Variants in PLCB1 observed in about 807,000 individuals in gnomAD.
PLCB1 encodes phospholipase C beta 1.
PLCB1 carries 46 observed loss-of-function variants against 161.8 expected under a neutral mutation model. The ratio of observed to expected loss-of-function variants is 0.28; its 90% CI spans 0.22 to 0.36. The LOEUF is 0.36. Among genes scored for constraint, PLCB1 ranks in the 10% least tolerant of loss-of-function variants. The pLI is 1.00. For missense variants in PLCB1, 1,016 were observed against 1,472.5 expected, an observed-to-expected ratio of 0.69 and a Z score of 5.07; for synonymous variants, 517 against 503.7, an observed-to-expected ratio of 1.03 and a Z score of -0.35.
At chr20:8,696,382 C>T (rs1174743640) in intron 10 of PLCB1, among the ~76,000 whole-genome samples, 6 of 152,112 alleles carry the variant, frequency 3.9e-5, no homozygotes, top group Non-Finnish European at 8.8e-5. Context: ...ATGCCAGTAC[C>T]ACATGGTCTT....
chr20:8,667,987 G>A (rs953787693), intron 9 of PLCB1, among the ~76,000 whole-genome samples: 1 of 152,060 alleles, frequency 6.6e-6, no homozygotes, highest in African/African-American at 2.4e-5. Flanking sequence ...GGGGTGGAGG[G>A]GACTCTGGCT....
At chr20:8,383,081 A>G (rs1987311644) in intron 3 of PLCB1, among the ~76,000 whole-genome samples, 1 of 152,174 alleles carries the variant, frequency 6.6e-6, no homozygotes, top group Non-Finnish European at 1.5e-5. Context: ...CAAGTCCTGA[A>G]TATACTTGTA....
intron 2 of PLCB1, among the ~76,000 whole-genome samples, chr20:8,276,755 A>G (rs1301846309): frequency 6.6e-6 from 1 of 152,054 alleles, no homozygotes; most frequent in Non-Finnish European, 1.5e-5. Flanking sequence ...GCCCATCTTC[A>G]GAAATTGGCC....
At chr20:8,800,184 A>C (rs1984217517) in intron 31 of PLCB1, among the ~76,000 whole-genome samples, 1 of 152,232 alleles carries the variant, frequency 6.6e-6, no homozygotes, top group South Asian at 2.1e-4. Flanking sequence ...ACACTGAAGA[A>C]ATTTTTCCTT....
chr20:8,161,719 G>T (rs887646423), intron 2 of PLCB1, among the ~76,000 whole-genome samples: 2 of 152,086 alleles, frequency 1.3e-5, no homozygotes, highest in East Asian at 1.9e-4. Context: ...GGACGCTGCT[G>T]CCTGGGCTTC....
chr20:8,374,979 C>T (rs1357140746), intron 3 of PLCB1, among the ~76,000 whole-genome samples: 2 of 152,104 alleles, frequency 1.3e-5, no homozygotes, highest in Non-Finnish European at 2.9e-5. Flanking sequence ...TTTGAAATAA[C>T]ATTTACAGGA....
intron 3 of PLCB1, among the ~76,000 whole-genome samples, chr20:8,535,682 G>T (rs976904221): frequency 6.6e-6 from 1 of 152,144 alleles, no homozygotes; most frequent in African/African-American, 2.4e-5. Context: ...GTACATTAGT[G>T]TAATTAGAGT....
chr20:8,537,941 A>C (rs1985118275), intron 3 of PLCB1, among the ~76,000 whole-genome samples: 1 of 152,250 alleles, frequency 6.6e-6, no homozygotes, highest in African/African-American at 2.4e-5. Context: ...CCTTTGCATC[A>C]TCATAGACTG....
chr20:8,136,437 T>C (rs1300126194), intron 1 of PLCB1, among the ~76,000 whole-genome samples: 3 of 151,990 alleles, frequency 2.0e-5, no homozygotes, highest in Non-Finnish European at 4.4e-5. Flanking sequence ...CCATCCTGGC[T>C]AACACGGTGA....
At chr20:8,755,691 A>G (rs530111450) in intron 23 of PLCB1, among the ~76,000 whole-genome samples, 2 of 152,234 alleles carry the variant, frequency 1.3e-5, no homozygotes, top group Admixed American at 6.5e-5. Context: ...ACAAGCTTAA[A>G]GGTTTTATTT....
At chr20:8,707,346 A>G (rs2123449315) in intron 11 of PLCB1, among the ~76,000 whole-genome samples, 1 of 152,304 alleles carries the variant, frequency 6.6e-6, no homozygotes, top group Non-Finnish European at 1.5e-5. Context: ...AAAGAATAGG[A>G]GTGGAAATCC....
At chr20:8,593,370 T>C (rs751403208) in intron 3 of PLCB1, among the ~76,000 whole-genome samples, 3 of 151,970 alleles carry the variant, frequency 2.0e-5, no homozygotes, top group Non-Finnish European at 2.9e-5. Flanking sequence ...TGTGTGTGTG[T>C]ATGTGTGAAG....
intron 19 of PLCB1, among the ~76,000 whole-genome samples, chr20:8,733,873 G>T (rs1184002838): frequency 1.3e-5 from 2 of 149,440 alleles, no homozygotes; most frequent in African/African-American, 4.9e-5. Flanking sequence ...TGTAATCCCA[G>T]CACTTTGGGA....
chr20:8,306,949 T>G lies in PLCB1; in HGVS notation c.178-64433T>G, dbSNP rs151200057. Among the ~76,000 whole-genome samples the G allele has an allele frequency of 6.0e-3, 917 of 152,352 alleles. 18 individuals carry two copies. The highest frequency in any genetic ancestry group is 0.029 in the East Asian group (150 of 5,184). ...GTGGTTTCGAGTTTTCAGATACATC[T>G]TTATTTCTTCAGCTCATTTGCAAAT... is the stretch of plus-strand genomic sequence containing the variant. On this transcript the variant is annotated intron_variant, in intron 2 of 31. Coordinates refer to ENST00000338037, the MANE Select transcript of PLCB1 (RefSeq NM_015192.4).
intron 3 of PLCB1, among the ~76,000 whole-genome samples, chr20:8,417,444 T>A (rs541674578): frequency 7.2e-6 from 1 of 138,618 alleles, no homozygotes; most frequent in African/African-American, 3.1e-5. Flanking sequence ...TACCAATAAT[T>A]CAGGGTTTTT....
At chr20:8,206,976 A>ATT in intron 2 of PLCB1, among the ~76,000 whole-genome samples, 1 of 94,674 alleles carries the variant, frequency 1.1e-5, no homozygotes. Context: ...AGGGAAAAAT[A>ATT]CAAGGAGAAT....
intron 31 of PLCB1, among the ~76,000 whole-genome samples, chr20:8,790,528 A>C (rs1164462920): frequency 6.6e-6 from 1 of 152,200 alleles, no homozygotes; most frequent in Non-Finnish European, 1.5e-5. Context: ...TGGCTCAGAC[A>C]AAGGTATTTT....
Position 8,812,843 on chromosome 20 carries a change from A to C in PLCB1, c.3423+22582A>C, listed in dbSNP as rs559884925. On this transcript the variant is annotated intron_variant, in intron 31 of 31. Coordinates refer to ENST00000338037, the MANE Select transcript of PLCB1 (RefSeq NM_015192.4). ...GAAATGTTGAAGAAACCATAAGGAA[A>C]TTGTCTATTTCCTTTAACAGTTAGA... Among the ~76,000 whole-genome samples the C allele has an allele frequency of 2.5e-3, 379 of 152,350 alleles. 1 individual carries two copies. Among genetic ancestry groups the C allele is most frequent in the Non-Finnish European group, 4.2e-3 (289 of 68,030 alleles).
chr20:8,791,916 C>A (rs1983778550), intron 31 of PLCB1, among the ~76,000 whole-genome samples: 2 of 152,108 alleles, frequency 1.3e-5, no homozygotes, highest in South Asian at 4.1e-4. Flanking sequence ...GTGCATTCAG[C>A]TGCAATTTTA....
Sources: gnomAD v4.1 joint callset for allele counts (sites outside exome capture counted in the v4.1 genomes callset) on GRCh38, gnomAD v4.1.1 for gene constraint, MANE v1.5 for transcripts, NCBI Gene and HGNC (gene_info 2026-07-23, HGNC 2026-07-21) for gene names.